Variants in ERMP1 observed in about 807,000 individuals in gnomAD.
ERMP1 encodes endoplasmic reticulum metallopeptidase 1, also known as Felix-ina.
ERMP1 carries 86 observed loss-of-function variants against 92.0 expected under a neutral mutation model. That is an observed-to-expected ratio of 0.93 (90% CI 0.79 to 1.12). The LOEUF is 1.12. Among genes scored for constraint, ERMP1 ranks in the 50% most tolerant of loss-of-function variants. The pLI, the probability that ERMP1 is intolerant of heterozygous loss-of-function variation, is 0.00. For synonymous variants in ERMP1, 530 were observed against 412.8 expected (o/e 1.28, Z -3.44); for missense variants, 1,342 against 1,116.3 (o/e 1.20, Z -2.88).
intron 4 of ERMP1, among the ~76,000 whole-genome samples, chr9:5,814,469 G>A (rs531365123): frequency 1.3e-5 from 2 of 152,320 alleles, no homozygotes; most frequent in African/African-American, 4.8e-5. Flanking sequence ...AAGGCTGGGT[G>A]CAGTGGCTCA....
chr9:5,840,649 C>A (rs939020869), intron 6 of ERMP1, among the ~76,000 whole-genome samples: 3 of 152,240 alleles, frequency 2.0e-5, no homozygotes, highest in African/African-American at 7.2e-5. Flanking sequence ...TGAAAGCACT[C>A]CAGTATGTTC....
chr9:5,797,286 C>T (rs1483714962), intron 13 of ERMP1, among the ~76,000 whole-genome samples: 1 of 151,992 alleles, frequency 6.6e-6, no homozygotes, highest in African/African-American at 2.4e-5. Context: ...AAGCAATCCT[C>T]CTACCTCAGC....
chr9:5,866,995 C>T (rs1167104247), intron 5 of ERMP1, among the ~76,000 whole-genome samples: 1 of 152,142 alleles, frequency 6.6e-6, no homozygotes, highest in Non-Finnish European at 1.5e-5. Flanking sequence ...TGCTTGAACC[C>T]AGGAGTTTGA....
At position 5,805,540 on chromosome 9, in the gene ERMP1, G is replaced by C. The variant is rs1648964532; in HGVS notation, c.1723+71C>G. ...AAGCCTACCCAATAAAACCAAAAAA[G>C]AAAGAGTCCCTGAAAGCCTTAAGTA... On this transcript the variant is annotated intron_variant, in intron 9 of 14. Transcript: ENST00000339450. 6 of 1,369,668 alleles carry C rather than the reference G, an allele frequency of 4.4e-6. No individual in the cohort carries two copies. The Admixed American group carries it at 8.2e-5, about 19-fold the overall frequency. 84.8% of individuals were successfully genotyped at this position (1,369,668 alleles called of 1,614,324 possible). A position where few individuals can be genotyped will look rare whatever the true frequency, so the allele number is the denominator to read the frequency against.
rs182804067 is a variant in ERMP1, at chr9:5,857,748, T to C, written n.3199+1720A>G. On this transcript the variant is annotated intron_variant and non_coding_transcript_variant, in intron 6 of 6. Coordinates refer to the ERMP1 transcript ENST00000690753. ...ATATCATCCCACGTTATCTGTAGCC[T>C]TGACTGGGATCCCTAGGGATCTGCC... Among the ~76,000 whole-genome samples the C allele has an allele frequency of 1.9e-4, 29 of 152,334 alleles. 1 individual carries two copies. Among genetic ancestry groups the C allele is most frequent in the Admixed American group, 1.7e-3 (26 of 15,310 alleles).
Position 5,810,041 on chromosome 9 carries a change from T to C in ERMP1, c.1518A>G (p.Ile506Met), listed in dbSNP as rs1338492209. The C allele has an allele frequency of 3.7e-6, 6 of 1,612,378 alleles. No individual in the cohort carries two copies. The highest frequency in any genetic ancestry group is 4.2e-6 in the Non-Finnish European group (5 of 1,178,580). The part of the protein sequence containing the change: ...GTATVAKIIL[I>M]HTLAKRFYYM... The stretch of plus-strand genomic sequence containing the variant: ...AATAAAATCTTTTCGCAAGAGTATG[T>C]ATAAGTATTATTTTGGCTACAGTTG... The change falls in exon 8 of 15, where the codon ATA becomes ATG. Residue 506 changes from isoleucine to methionine, a missense_variant. Ile to Met is a conservative substitution (Grantham distance 10, BLOSUM62 1). Coordinates refer to ENST00000339450, the MANE Select transcript of ERMP1 (RefSeq NM_024896.3).
intron 13 of ERMP1, among the ~76,000 whole-genome samples, chr9:5,793,701 G>C (rs768804193): frequency 2.0e-5 from 3 of 152,110 alleles, no homozygotes; most frequent in Non-Finnish European, 4.4e-5. Context: ...CAGCGATAAA[G>C]AGGGGCAATG....
intron 11 of ERMP1, among the ~76,000 whole-genome samples, chr9:5,800,140 T>A (rs1183645480): frequency 6.6e-6 from 1 of 152,206 alleles, no homozygotes; most frequent in Non-Finnish European, 1.5e-5. Flanking sequence ...ATCTTTCACT[T>A]ACAGAGTATA....
chr9:5,792,293 T>A (rs946832485), intron 13 of ERMP1, among the ~76,000 whole-genome samples: 1 of 152,154 alleles, frequency 6.6e-6, no homozygotes, highest in African/African-American at 2.4e-5. Flanking sequence ...AAATCGATAT[T>A]TGAAAGATAA....
intron 2 of ERMP1, among the ~76,000 whole-genome samples, chr9:5,827,955 G>C (rs182176122): frequency 6.6e-6 from 1 of 152,140 alleles, no homozygotes; most frequent in Non-Finnish European, 1.5e-5. Flanking sequence ...TCTAGCCTGG[G>C]CGACAGAGTG....
intron 4 of ERMP1, among the ~76,000 whole-genome samples, chr9:5,813,693 C>T (rs778669420): frequency 2.2e-4 from 33 of 151,926 alleles, no homozygotes; most frequent in Non-Finnish European, 4.3e-4. Flanking sequence ...TTATAATAAT[C>T]ATTTTGATAA....
intron 13 of ERMP1, among the ~76,000 whole-genome samples, chr9:5,789,174 G>T: frequency 6.6e-6 from 1 of 151,700 alleles, no homozygotes; most frequent in African/African-American, 2.4e-5. Context: ...AGACTACCAG[G>T]CACCTTAGAA....
At chr9:5,861,329 A>G (rs10815295) in intron 5 of ERMP1, among the ~76,000 whole-genome samples, 10,958 of 151,772 alleles carry the variant, frequency 0.072, 504 homozygotes, top group South Asian at 0.11. Context: ...AATTTGGGTG[A>G]AAAAAAAGTA....
At chr9:5,847,089 A>T in intron 6 of ERMP1, among the ~76,000 whole-genome samples, 1 of 152,174 alleles carries the variant, frequency 6.6e-6, no homozygotes, top group East Asian at 1.9e-4. Flanking sequence ...TGCCCAGGGG[A>T]TGGAGGGAAG....
intron 4 of ERMP1, among the ~76,000 whole-genome samples, chr9:5,821,002 G>C (rs1353847921): frequency 1.3e-5 from 2 of 152,154 alleles, no homozygotes; most frequent in Non-Finnish European, 2.9e-5. Context: ...CCAAAACCTA[G>C]AGGGAGAAAA....
At chr9:5,813,070 TC>T (rs1277567797) in intron 4 of ERMP1, 35 bp from the exon 5 acceptor site, 1 of 1,588,468 alleles carries the variant, frequency 6.3e-7, no homozygotes, top group East Asian at 2.4e-5. Context: ...TAGAAGGTAT[TC>T]CGGCAATTTT....
At chr9:5,813,895 T>C (rs1829205490) in intron 4 of ERMP1, among the ~76,000 whole-genome samples, 1 of 148,564 alleles carries the variant, frequency 6.7e-6, no homozygotes, top group South Asian at 2.1e-4. Flanking sequence ...TATATAATTA[T>C]AATTATATAA....
intron 8 of ERMP1, among the ~76,000 whole-genome samples, chr9:5,809,122 C>A (rs1013783230): frequency 2.0e-5 from 3 of 152,060 alleles, no homozygotes; most frequent in Non-Finnish European, 4.4e-5. Context: ...CCCGGGTTCA[C>A]GCCATTCTCC....
chr9:5,801,271 CCAAAGTT>C lies in ERMP1; in HGVS notation c.1965_1971del (p.Thr656TyrfsTer34). ...ACAAGGAGGAATGTAATTGCACATA[CCAAAGTT>C]AAAGTTAGCATGGTTTTTTTTGTGC... On this transcript the variant is annotated frameshift_variant, in exon 11 of 15. Transcript: ENST00000339450. LOFTEE classifies it high-confidence loss of function. 6.2e-7 allele frequency: 1 copy of C among 1,613,478 alleles called. No individual in the cohort carries two copies. Among genetic ancestry groups the C allele is most frequent in the Non-Finnish European group, 8.5e-7 (1 of 1,179,716 alleles).
Sources: gnomAD v4.1 joint callset for allele counts (sites outside exome capture counted in the v4.1 genomes callset) on GRCh38, gnomAD v4.1.1 for gene constraint, MANE v1.5 for transcripts, NCBI Gene and HGNC (gene_info 2026-07-23, HGNC 2026-07-21) for gene names.